The following HMGN3 variants were observed in gnomAD, a reference collection of about 807,000 sequenced individuals.
HMGN3 encodes the protein high mobility group nucleosomal binding domain 3.
In HMGN3, 6 loss-of-function variants were observed where a neutral mutation model predicts 18.8. The ratio of observed to expected loss-of-function variants is 0.32; its 90% CI spans 0.18 to 0.63. The LOEUF (loss-of-function observed/expected upper bound fraction) is 0.63, where lower values mean the gene tolerates loss of function less well. Ranked by LOEUF, HMGN3 falls within the 30% of genes least tolerant of loss-of-function variation. The pLI is 0.79. For synonymous variants in HMGN3, 40 were observed against 36.5 expected (o/e 1.10, Z -0.35); for missense variants, 107 against 114.2 (o/e 0.94, Z 0.29).
intron 1 of HMGN3, among the ~76,000 whole-genome samples, chr6:79,222,564 G>A (rs1320683223): frequency 2.0e-5 from 3 of 152,166 alleles, no homozygotes; most frequent in Non-Finnish European, 4.4e-5. Context: ...GACACTGGAA[G>A]TTTTACTCAA....
intron 1 of HMGN3, 173 bp downstream of exon 1, chr6:79,234,373 G>A: frequency 3.9e-6 from 2 of 510,756 alleles, no homozygotes; most frequent in East Asian, 2.9e-5. Context: ...GAGTGGGTAG[G>A]GGGGACAGAG....
intron 2 of HMGN3, among the ~76,000 whole-genome samples, chr6:79,213,245 A>AAAAAT (rs562116876): frequency 7.8e-4 from 118 of 151,864 alleles, no homozygotes; most frequent in Middle Eastern, 3.4e-3. Context: ...TGCTATCTCA[A>AAAAAT]AAAATAAAAT....
intron 4 of HMGN3, among the ~76,000 whole-genome samples, chr6:79,202,947 A>C (rs546610214): frequency 3.9e-5 from 6 of 152,330 alleles, no homozygotes; most frequent in Admixed American, 6.5e-5. Context: ...CACTATACAC[A>C]TAAGTTTTAA....
chr6:79,202,402 C>G lies in HMGN3; in HGVS notation c.148-13G>C. 1.3e-6 allele frequency: 2 copies of G among 1,590,178 alleles called. No individual in the cohort carries two copies. Among genetic ancestry groups the G allele is most frequent in the Non-Finnish European group, 1.7e-6 (2 of 1,158,462 alleles). ...CTCCAGGTTCTTTCTAACAGAGGATCAAAGCACAGTGAAAGAGAATGTTAG... is the reference window on the plus strand; with the variant it reads ...CTCCAGGTTCTTTCTAACAGAGGATGAAAGCACAGTGAAAGAGAATGTTAG... On this transcript the variant is annotated splice_polypyrimidine_tract_variant and intron_variant, in intron 4 of 5. Transcript: ENST00000344726.
At chr6:79,209,846 C>T (rs1050435196) in intron 2 of HMGN3, among the ~76,000 whole-genome samples, 3 of 152,158 alleles carry the variant, frequency 2.0e-5, no homozygotes, top group South Asian at 2.1e-4. Flanking sequence ...CAGAAGGAAA[C>T]GAAGGGCCAG....
At chr6:79,227,865 A>T (rs1206970423) in intron 1 of HMGN3, among the ~76,000 whole-genome samples, 1 of 152,208 alleles carries the variant, frequency 6.6e-6, no homozygotes, top group Non-Finnish European at 1.5e-5. Flanking sequence ...AAATATTTAC[A>T]CTACCTGTGC....
intron 1 of HMGN3, chr6:79,233,921 A>C (rs1777999794): frequency 6.6e-6 from 1 of 152,592 alleles, no homozygotes; most frequent in African/African-American, 2.4e-5. Context: ...CCCGCCCCGA[A>C]CTGCGGGTAG....
chr6:79,227,841 T>C (rs555791148), intron 1 of HMGN3, among the ~76,000 whole-genome samples: 1 of 152,340 alleles, frequency 6.6e-6, no homozygotes, highest in African/African-American at 2.4e-5. Context: ...AATTTATTCA[T>C]CAATTTGTTC....
At chr6:79,217,805 G>C (rs1777065638) in intron 1 of HMGN3, among the ~76,000 whole-genome samples, 1 of 152,218 alleles carries the variant, frequency 6.6e-6, no homozygotes, top group African/African-American at 2.4e-5. Context: ...TGTGCCAAGG[G>C]ATTGCGAAGA....
intron 3 of HMGN3, among the ~76,000 whole-genome samples, chr6:79,208,078 C>T (rs989076483): frequency 6.6e-6 from 1 of 152,092 alleles, no homozygotes; most frequent in Admixed American, 6.6e-5. Context: ...GAAGGAGACA[C>T]CAAATAGCAA....
At chr6:79,211,011 CAAAA>C (rs59749044) in intron 2 of HMGN3, among the ~76,000 whole-genome samples, 1,242 of 89,722 alleles carry the variant, frequency 0.014, 11 homozygotes, top group African/African-American at 0.047. Flanking sequence ...GAAATTAATG[CAAAA>C]AAAAAAAAAA....
At chr6:79,207,816 T>C (rs1179815283) in intron 3 of HMGN3, among the ~76,000 whole-genome samples, 2 of 152,124 alleles carry the variant, frequency 1.3e-5, no homozygotes, top group East Asian at 1.9e-4. Context: ...TATACTAATA[T>C]AGTGTCAGCC....
chr6:79,234,447 G>C, intron 1 of HMGN3, 99 bp downstream of exon 1: 2 of 1,151,486 alleles, frequency 1.7e-6, no homozygotes, highest in Non-Finnish European at 2.6e-6. Context: ...CCAATCCCCG[G>C]GTTACTACCG....
intron 2 of HMGN3, among the ~76,000 whole-genome samples, chr6:79,213,816 C>T (rs1323262442): frequency 1.3e-5 from 2 of 152,206 alleles, no homozygotes; most frequent in Non-Finnish European, 2.9e-5. Context: ...GAATTATTAA[C>T]CACATTATGA....
chr6:79,220,074 C>A lies in HMGN3; in HGVS notation c.16-5052G>T, dbSNP rs534077659. Among the ~76,000 whole-genome samples the A allele has an allele frequency of 7.9e-5, 12 of 152,224 alleles. No individual in the cohort carries two copies. In the South Asian group the frequency reaches 2.5e-3, roughly 32 times the overall value. On this transcript the variant is annotated intron_variant, in intron 1 of 5. Coordinates refer to ENST00000344726, the Ensembl canonical transcript of HMGN3. ...TAGCACAGCTTTAGACAAAAACAATCATGAAAGATAGAAGTGGGGTCGGTA... is the reference window on the plus strand; with the variant it reads ...TAGCACAGCTTTAGACAAAAACAATAATGAAAGATAGAAGTGGGGTCGGTA...
chr6:79,215,612 A>T (rs901806431), intron 1 of HMGN3, among the ~76,000 whole-genome samples: 1 of 152,192 alleles, frequency 6.6e-6, no homozygotes. Context: ...TGCCACCCTC[A>T]GCTGATTTAT....
chr6:79,222,589 G>A (rs1013408301), intron 1 of HMGN3, among the ~76,000 whole-genome samples: 2 of 152,214 alleles, frequency 1.3e-5, no homozygotes, highest in Non-Finnish European at 2.9e-5. Context: ...ACCAAGCGAT[G>A]TTTAACAATG....
chr6:79,221,229 C>A (rs1777266304), intron 1 of HMGN3, among the ~76,000 whole-genome samples: 1 of 152,156 alleles, frequency 6.6e-6, no homozygotes, highest in Non-Finnish European at 1.5e-5. Context: ...GCCTCCTCTT[C>A]TGTACAAGAC....
At chr6:79,201,781 C>G in intron 5 of HMGN3, 55 bp from the exon 7 acceptor site, 5 of 1,584,492 alleles carry the variant, frequency 3.2e-6, no homozygotes, top group Non-Finnish European at 3.4e-6. Context: ...CTACTATAAG[C>G]AAAGGAAATT....
Sources: allele counts gnomAD v4.1 joint callset (sites outside exome capture counted in the v4.1 genomes callset), GRCh38; gene constraint gnomAD v4.1.1; transcripts MANE v1.5; gene names NCBI Gene and HGNC (gene_info 2026-07-23, HGNC 2026-07-21).